The following SFXN5 variants were observed in gnomAD, a reference collection of about 807,000 sequenced individuals.
SFXN5 encodes sideroflexin 5, also known as sideroflexin-5.
SFXN5 carries 43 observed loss-of-function variants against 50.2 expected under a neutral mutation model. The observed-to-expected ratio is 0.86, with a 90% confidence interval of 0.67 to 1.11. The LOEUF (loss-of-function observed/expected upper bound fraction) is 1.11. Ranked by LOEUF, SFXN5 falls within the 50% of genes least tolerant of loss-of-function variation. SFXN5 has a pLI of 0.00. For synonymous variants in SFXN5, 203 were observed against 185.8 expected (o/e 1.09, Z -0.75); for missense variants, 463 against 454.1 (o/e 1.02, Z -0.18).
intron 9 of SFXN5, among the ~76,000 whole-genome samples, chr2:72,989,672 G>A (rs913764915): frequency 6.6e-6 from 1 of 152,160 alleles, no homozygotes; most frequent in Admixed American, 6.5e-5. Context: ...TGGGAGTGGG[G>A]CTTTGCGGAG....
chr2:73,033,151 G>A (rs1678535960), intron 3 of SFXN5, among the ~76,000 whole-genome samples: 1 of 152,146 alleles, frequency 6.6e-6, no homozygotes, highest in African/African-American at 2.4e-5. Flanking sequence ...TGTAATATGA[G>A]GATGTGAATA....
intron 11 of SFXN5, among the ~76,000 whole-genome samples, chr2:72,971,253 G>A (rs1458216261): frequency 1.3e-5 from 2 of 152,130 alleles, no homozygotes; most frequent in Non-Finnish European, 2.9e-5. Context: ...GCAAGGGGAA[G>A]AGAGCTCTGA....
intron 12 of SFXN5, among the ~76,000 whole-genome samples, chr2:72,965,077 C>T (rs1161152203): frequency 1.3e-5 from 2 of 152,186 alleles, no homozygotes; most frequent in Non-Finnish European, 2.9e-5. Context: ...TGATCCTGTA[C>T]CTAAAAATCC....
chr2:73,062,773 C>T (rs1682909813), intron 1 of SFXN5, among the ~76,000 whole-genome samples: 1 of 152,174 alleles, frequency 6.6e-6, no homozygotes, highest in Non-Finnish European at 1.5e-5. Context: ...ATACTGGGGA[C>T]ACACAGAGTT....
chr2:72,998,691 G>A (rs751077102), intron 9 of SFXN5: 9 of 527,008 alleles, frequency 1.7e-5, no homozygotes, highest in Non-Finnish European at 2.7e-5. Context: ...CCCCACTCAA[G>A]ACAGATGTCC....
At chr2:73,059,580 C>A in intron 1 of SFXN5, 11 of 985,232 alleles carry the variant, frequency 1.1e-5, no homozygotes, top group Non-Finnish European at 1.2e-5. Context: ...AAAGTCCCCC[C>A]ACACACCAGT....
intron 10 of SFXN5, among the ~76,000 whole-genome samples, chr2:72,979,629 G>A (rs117901909): frequency 0.062 from 9,377 of 152,126 alleles, 358 homozygotes; most frequent in East Asian, 0.16. Context: ...GCAAGACTCC[G>A]TCTATAAATA....
At chr2:73,071,475 C>T (rs975527500) in intron 1 of SFXN5, 129 bp downstream of exon 1, 17 of 784,278 alleles carry the variant, frequency 2.2e-5, no homozygotes, top group Non-Finnish European at 3.2e-5. Context: ...GAGGTTCCCC[C>T]CCTGGCGCTA....
chr2:72,957,668 A>G (rs896051583), intron 13 of SFXN5, among the ~76,000 whole-genome samples: 1 of 152,280 alleles, frequency 6.6e-6, no homozygotes, highest in Admixed American at 6.5e-5. Context: ...GATGTGAGAC[A>G]TGATCCCTGT....
At chr2:73,053,825 A>T (rs1040130219) in intron 2 of SFXN5, among the ~76,000 whole-genome samples, 2 of 152,046 alleles carry the variant, frequency 1.3e-5, no homozygotes, top group Admixed American at 6.6e-5. Context: ...ATCACAGACA[A>T]ATGAGCTCAT....
chr2:72,977,355 T>A (rs1229340771), intron 10 of SFXN5, among the ~76,000 whole-genome samples: 2 of 152,182 alleles, frequency 1.3e-5, no homozygotes, highest in African/African-American at 4.8e-5. Context: ...ATACGATGTA[T>A]AAGAGCTTTA....
chr2:73,015,735 T>G (rs1012214036), intron 6 of SFXN5, among the ~76,000 whole-genome samples: 1 of 152,160 alleles, frequency 6.6e-6, no homozygotes, highest in Non-Finnish European at 1.5e-5. Context: ...TTGGTGCAAA[T>G]ATTTTAAACT....
At chr2:73,004,469 T>C (rs373786074) in intron 6 of SFXN5, among the ~76,000 whole-genome samples, 3 of 151,724 alleles carry the variant, frequency 2.0e-5, no homozygotes, top group East Asian at 1.9e-4. Flanking sequence ...ATGTGTAAAG[T>C]TGATAAATTT....
At chr2:73,023,823 C>T (rs987807449) in intron 3 of SFXN5, among the ~76,000 whole-genome samples, 6 of 151,956 alleles carry the variant, frequency 3.9e-5, no homozygotes, top group African/African-American at 1.4e-4. Flanking sequence ...CTGTTGTTAT[C>T]ATAAGAAGGC....
intron 2 of SFXN5, among the ~76,000 whole-genome samples, chr2:73,052,464 T>A (rs1681496431): frequency 6.6e-6 from 1 of 152,100 alleles, no homozygotes; most frequent in Non-Finnish European, 1.5e-5. Context: ...CTACTCTGTA[T>A]TTGTATCTCT....
intron 2 of SFXN5, among the ~76,000 whole-genome samples, chr2:73,056,816 A>G (rs1342191134): frequency 6.6e-6 from 1 of 152,250 alleles, no homozygotes; most frequent in Non-Finnish European, 1.5e-5. Context: ...TGGAACTCTC[A>G]TACACTGCTG....
intron 6 of SFXN5, among the ~76,000 whole-genome samples, chr2:73,003,903 G>C (rs985891056): frequency 6.6e-6 from 1 of 152,102 alleles, no homozygotes; most frequent in African/African-American, 2.4e-5. Flanking sequence ...CATGGGTCTG[G>C]AGTCCATGCT....
At chr2:73,023,097 G>A (rs1574145669) in intron 4 of SFXN5, 91 bp downstream of exon 4, 34 of 1,330,326 alleles carry the variant, frequency 2.6e-5, no homozygotes, top group Non-Finnish European at 3.2e-5. Flanking sequence ...AAGAGCCACC[G>A]GAGGGGGGCT....
At position 72,942,785 on chromosome 2, in the gene SFXN5, A is replaced by G. The variant is rs1424643074; in HGVS notation, c.*2237T>C. The G allele has an allele frequency of 6.6e-6, 1 of 152,146 alleles. No homozygotes were observed. Among genetic ancestry groups the G allele is most frequent in the Non-Finnish European group, 1.5e-5 (1 of 68,026 alleles). 9.4% of individuals were successfully genotyped at this position (152,146 alleles called of 1,614,324 possible). Reference sequence around the variant, plus strand: ...CATGACGGAAATCATCCGGGAGACAAAGCAAATGAGTTATGAGATGCTGAG... The same window carrying G: ...CATGACGGAAATCATCCGGGAGACAGAGCAAATGAGTTATGAGATGCTGAG... On this transcript the variant is annotated 3_prime_UTR_variant, in exon 14 of 14. Coordinates refer to ENST00000272433, the MANE Select transcript of SFXN5 (RefSeq NM_144579.3).
Sources: gnomAD v4.1 joint callset for allele counts (sites outside exome capture counted in the v4.1 genomes callset) on GRCh38, gnomAD v4.1.1 for gene constraint, MANE v1.5 for transcripts, NCBI Gene and HGNC (gene_info 2026-07-23, HGNC 2026-07-21) for gene names.